DCC: variants seen among roughly 807,000 people sequenced by gnomAD.
The protein encoded by DCC is DCC netrin 1 receptor.
A neutral mutation model predicts 172.5 loss-of-function variants in DCC; 58 were observed. The ratio of observed to expected loss-of-function variants is 0.34; its 90% CI spans 0.27 to 0.42. The LOEUF is 0.42. Among genes scored for constraint, DCC ranks in the 10% least tolerant of loss-of-function variants. The probability of loss-of-function intolerance (pLI) is 1.00; values close to 1 mark genes in which losing one functional copy is unlikely to be tolerated. For missense variants in DCC, 1,740 were observed against 1,791.0 expected (o/e 0.97, Z 0.51); for synonymous variants, 709 against 644.5 (o/e 1.10, Z -1.52).
At chr18:52,803,260 C>T (rs1038509603) in intron 2 of DCC, among the ~76,000 whole-genome samples, 5 of 152,114 alleles carry the variant, frequency 3.3e-5, no homozygotes, top group African/African-American at 1.2e-4. Context: ...TCACTTTTTC[C>T]ATGATAAACA....
At chr18:53,299,750 T>C (rs1466469431) in intron 12 of DCC, among the ~76,000 whole-genome samples, 2 of 152,210 alleles carry the variant, frequency 1.3e-5, no homozygotes, top group Non-Finnish European at 1.5e-5. Context: ...GAACTTCTCA[T>C]AGGAGGCAAT....
chr18:52,855,146 T>C (rs920214414), intron 2 of DCC, among the ~76,000 whole-genome samples: 9 of 152,308 alleles, frequency 5.9e-5, no homozygotes, highest in African/African-American at 2.2e-4. Flanking sequence ...CTGTTCTCAG[T>C]TCTCCTGTCT....
rs1491373982 is a variant in DCC at position 53,203,200 on chromosome 18, CTT to C, written c.1574-2015_1574-2014del. 1.7e-4 allele frequency among the ~76,000 whole-genome samples: 10 copies of C among 57,376 alleles called. No individual in the cohort carries two copies. In the East Asian group the frequency reaches 2.4e-3, roughly 14 times the overall value. The allele number at this position is 57,376 out of a possible 152,430, so 37.6% of individuals were successfully genotyped here. ...CTTATTCTGATGATATATAGATTCT[CTT>C]GTGTGTGTGTGTGTGTGTGTGTGTG... is the stretch of plus-strand genomic sequence containing the variant. On this transcript the variant is annotated intron_variant, in intron 9 of 28. Transcript: ENST00000442544.
intron 1 of DCC, among the ~76,000 whole-genome samples, chr18:52,453,327 A>G (rs773755925): frequency 6.6e-6 from 1 of 152,210 alleles, no homozygotes. Flanking sequence ...TACATCATTA[A>G]TAAACCTTGG....
chr18:53,184,375 G>T (rs1477493596), intron 9 of DCC, among the ~76,000 whole-genome samples: 1 of 151,850 alleles, frequency 6.6e-6, no homozygotes, highest in African/African-American at 2.4e-5. Flanking sequence ...TCCAAGAAAT[G>T]CATCATTAAT....
intron 2 of DCC, among the ~76,000 whole-genome samples, chr18:52,808,683 G>T (rs1026799095): frequency 3.3e-5 from 5 of 152,158 alleles, no homozygotes; most frequent in South Asian, 4.1e-4. Context: ...GCAGGCAGAA[G>T]TTTCCCTGTT....
intron 1 of DCC, among the ~76,000 whole-genome samples, chr18:52,691,691 A>T (rs2035931952): frequency 6.6e-6 from 1 of 152,012 alleles, no homozygotes; most frequent in Non-Finnish European, 1.5e-5. Context: ...ATTTGCAAAG[A>T]CTCTGTCTCC....
chr18:52,410,159 CATG>C (rs1391031306), intron 1 of DCC, among the ~76,000 whole-genome samples: 1 of 152,126 alleles, frequency 6.6e-6, no homozygotes, highest in African/African-American at 2.4e-5. Context: ...TGCTGTGACT[CATG>C]CCTGTCATCC....
At chr18:53,228,152 T>C (rs921875835) in intron 12 of DCC, among the ~76,000 whole-genome samples, 5 of 152,052 alleles carry the variant, frequency 3.3e-5, no homozygotes, top group East Asian at 3.9e-4. Flanking sequence ...TTTCTTATAC[T>C]TCAAAGAAAG....
chr18:52,871,428 G>T (rs1055242456), intron 2 of DCC, among the ~76,000 whole-genome samples: 2 of 152,084 alleles, frequency 1.3e-5, no homozygotes, highest in Admixed American at 6.5e-5. Context: ...ACTTATGGGG[G>T]TTTTAGGCTC....
At chr18:53,348,854 C>T (rs745600259) in intron 15 of DCC, among the ~76,000 whole-genome samples, 3 of 152,164 alleles carry the variant, frequency 2.0e-5, no homozygotes, top group Non-Finnish European at 2.9e-5. Flanking sequence ...ACCCTGGGCC[C>T]AGCCCACAGA....
chr18:53,111,066 G>C (rs530015061), intron 7 of DCC, among the ~76,000 whole-genome samples: 23 of 147,378 alleles, frequency 1.6e-4, no homozygotes, highest in South Asian at 2.2e-4. Context: ...ATACTATGCA[G>C]CCATAAAAAA....
chr18:53,177,330 TAAAA>T (rs915573040), intron 8 of DCC, among the ~76,000 whole-genome samples: 1 of 150,626 alleles, frequency 6.6e-6, no homozygotes, highest in Non-Finnish European at 1.5e-5. Context: ...TAAAGTATAA[TAAAA>T]AAAAAGAAAA....
At chr18:53,283,738 C>T (rs2144733138) in intron 12 of DCC, among the ~76,000 whole-genome samples, 1 of 152,272 alleles carries the variant, frequency 6.6e-6, no homozygotes, top group East Asian at 1.9e-4. Flanking sequence ...GTATATATTT[C>T]AAATCTGCAA....
chr18:53,310,935 C>CTGTAAAA (rs2144797502), intron 13 of DCC, among the ~76,000 whole-genome samples: 2 of 150,822 alleles, frequency 1.3e-5, no homozygotes, highest in South Asian at 4.2e-4. Context: ...CTATGAAAAG[C>CTGTAAAA]ATTGCTAGTT....
At chr18:52,863,851 G>A (rs995574393) in intron 2 of DCC, among the ~76,000 whole-genome samples, 4 of 145,602 alleles carry the variant, frequency 2.7e-5, no homozygotes, top group African/African-American at 9.8e-5. Flanking sequence ...TAAAAGCAAG[G>A]ACCTTAAAGG....
intron 12 of DCC, among the ~76,000 whole-genome samples, chr18:53,228,361 G>T (rs1002996266): frequency 1.3e-5 from 2 of 152,086 alleles, no homozygotes. Context: ...TACAATCTTG[G>T]ATTATTTCTT....
At chr18:52,610,161 AAAAAAAAAAAAAAAAAAATATATATAT>A (rs1568253973) in intron 1 of DCC, among the ~76,000 whole-genome samples, 3 of 15,278 alleles carry the variant, frequency 2.0e-4, no homozygotes, top group African/African-American at 6.4e-4. Flanking sequence ...TAAAAAAAAA[AAAAAAAAAAAAAAAAAAATATATATAT>A]ATATATATAT....
intron 1 of DCC, among the ~76,000 whole-genome samples, chr18:52,584,737 G>C (rs372872147): frequency 6.7e-6 from 1 of 149,380 alleles, no homozygotes; most frequent in Admixed American, 6.7e-5. Flanking sequence ...ACATGGTCTC[G>C]CTTTGTTGCC....
Sources: allele counts gnomAD v4.1 joint callset (sites outside exome capture counted in the v4.1 genomes callset), GRCh38; gene constraint gnomAD v4.1.1; transcripts MANE v1.5; gene names NCBI Gene and HGNC (gene_info 2026-07-23, HGNC 2026-07-21).